Variants in CCDC91 observed in about 807,000 individuals in gnomAD.
CCDC91 encodes the protein coiled-coil domain-containing protein 91.
CCDC91 carries 48 observed loss-of-function variants against 63.2 expected under a neutral mutation model. The ratio of observed to expected loss-of-function variants is 0.76; its 90% CI spans 0.60 to 0.97. The LOEUF is 0.97. Among genes scored for constraint, CCDC91 ranks in the 50% least tolerant of loss-of-function variants. The pLI, the probability that CCDC91 is intolerant of heterozygous loss-of-function variation, is 0.00. For missense variants in CCDC91, 500 were observed against 494.6 expected (o/e 1.01, Z -0.10); for synonymous variants, 167 against 165.8 (o/e 1.01, Z -0.06).
rs77041494 is a variant in CCDC91, at chr12:28,500,702, T to C, written c.1215+16537T>C. On this transcript the variant is annotated intron_variant, in intron 12 of 12. Coordinates refer to ENST00000536442, the MANE Select transcript of CCDC91 (RefSeq NM_018318.5). ...TGGTCAGTTTAGCTATTTCAAGAAC[T>C]ATGTCTTAGAGTATGTATTTACTGT... is the stretch of plus-strand genomic sequence containing the variant. Among the ~76,000 whole-genome samples the C allele has an allele frequency of 4.8e-3, 727 of 151,850 alleles. 8 individuals carry two copies. Among genetic ancestry groups the C allele is most frequent in the African/African-American group, 0.015 (614 of 41,496 alleles).
intron 8 of CCDC91, among the ~76,000 whole-genome samples, chr12:28,393,103 C>T (rs1313532718): frequency 6.6e-6 from 1 of 152,058 alleles, no homozygotes; most frequent in African/African-American, 2.4e-5. Context: ...TTTTTGACAG[C>T]GTTCCTAGTC....
chr12:28,329,282 G>A (rs891570764), intron 6 of CCDC91, among the ~76,000 whole-genome samples: 10 of 152,032 alleles, frequency 6.6e-5, no homozygotes, highest in Admixed American at 1.3e-4. Flanking sequence ...TTGACTTTCC[G>A]TCGTTTTATT....
chr12:28,198,369 A>G (rs1479469006), intron 1 of CCDC91, among the ~76,000 whole-genome samples: 4 of 152,242 alleles, frequency 2.6e-5, no homozygotes, highest in Non-Finnish European at 4.4e-5. Context: ...ATATTATTTA[A>G]AAACTACATG....
chr12:28,417,620 GATAT>G (rs34996637), intron 8 of CCDC91, among the ~76,000 whole-genome samples: 13 of 139,806 alleles, frequency 9.3e-5, no homozygotes, highest in South Asian at 4.6e-4. Flanking sequence ...GAACCTTTGA[GATAT>G]ATATATATAT....
At chr12:28,519,124 A>G (rs1197519099) in intron 12 of CCDC91, among the ~76,000 whole-genome samples, 1 of 151,956 alleles carries the variant, frequency 6.6e-6, no homozygotes, top group Non-Finnish European at 1.5e-5. Flanking sequence ...TTGAATTTGT[A>G]GATTGCTTTT....
chr12:28,406,624 A>G (rs1223541256), intron 8 of CCDC91, among the ~76,000 whole-genome samples: 1 of 152,122 alleles, frequency 6.6e-6, no homozygotes, highest in Non-Finnish European at 1.5e-5. Flanking sequence ...TTAAGGTTAT[A>G]TGAAATCCAA....
intron 6 of CCDC91, among the ~76,000 whole-genome samples, chr12:28,330,206 G>A (rs1404163545): frequency 6.6e-6 from 1 of 152,100 alleles, no homozygotes; most frequent in Non-Finnish European, 1.5e-5. Flanking sequence ...CTTCCACAAT[G>A]GTTGAATTAG....
chr12:28,409,045 G>A (rs143246040), intron 8 of CCDC91, among the ~76,000 whole-genome samples: 2 of 152,260 alleles, frequency 1.3e-5, no homozygotes, highest in African/African-American at 2.4e-5. Flanking sequence ...AGTATAAAAG[G>A]ATGTTGTTGC....
chr12:28,547,534 C>G lies in CCDC91; in HGVS notation c.1216-1529C>G, dbSNP rs182938884. On this transcript the variant is annotated intron_variant, in intron 12 of 12. Transcript: ENST00000536442. Reference sequence around the variant, plus strand: ...GTTAGCAAGACAGACAAGATTTCTGCGTACCTGGGTCTTACATTCTAAGAT... The same window carrying G: ...GTTAGCAAGACAGACAAGATTTCTGGGTACCTGGGTCTTACATTCTAAGAT... Among the ~76,000 whole-genome samples, 304 of 152,102 alleles carry G rather than the reference C, an allele frequency of 2.0e-3. 2 individuals carry two copies. The highest frequency in any genetic ancestry group is 7.2e-3 in the African/African-American group (298 of 41,528).
At chr12:28,415,712 A>G (rs1276651243) in intron 8 of CCDC91, among the ~76,000 whole-genome samples, 1 of 151,784 alleles carries the variant, frequency 6.6e-6, no homozygotes, top group Non-Finnish European at 1.5e-5. Context: ...CACTACAGAA[A>G]AAAATATTTT....
At chr12:28,292,332 C>T (rs1384155565) in intron 3 of CCDC91, among the ~76,000 whole-genome samples, 1 of 152,180 alleles carries the variant, frequency 6.6e-6, no homozygotes, top group Non-Finnish European at 1.5e-5. Context: ...TTATTTCACC[C>T]TTATGGCTGA....
chr12:28,462,314 T>A (rs1228551109), intron 11 of CCDC91, among the ~76,000 whole-genome samples: 1 of 152,086 alleles, frequency 6.6e-6, no homozygotes, highest in African/African-American at 2.4e-5. Flanking sequence ...AAAATTCTCA[T>A]GAGTAGGGAA....
At chr12:28,534,044 T>C (rs1018948174) in intron 12 of CCDC91, among the ~76,000 whole-genome samples, 2 of 152,108 alleles carry the variant, frequency 1.3e-5, no homozygotes, top group Non-Finnish European at 2.9e-5. Context: ...ACTACACATA[T>C]TATTTTTATT....
At chr12:28,452,713 G>T in intron 11 of CCDC91, 59 bp downstream of exon 11, 1 of 855,110 alleles carries the variant, frequency 1.2e-6, no homozygotes. Context: ...TCAAAATGAA[G>T]TACCCTTACT....
intron 12 of CCDC91, among the ~76,000 whole-genome samples, chr12:28,505,901 C>T (rs1565491688): frequency 6.6e-6 from 1 of 151,994 alleles, no homozygotes; most frequent in Non-Finnish European, 1.5e-5. Context: ...ACTGCTTAAA[C>T]AGCACCTTTG....
intron 3 of CCDC91, among the ~76,000 whole-genome samples, chr12:28,289,763 C>G (rs971729950): frequency 7.1e-6 from 1 of 140,918 alleles, no homozygotes; most frequent in African/African-American, 2.7e-5. Context: ...GCGATCTCGG[C>G]TCACTGCAAG....
intron 11 of CCDC91, among the ~76,000 whole-genome samples, chr12:28,470,229 C>A (rs1449427695): frequency 6.6e-6 from 1 of 151,898 alleles, no homozygotes; most frequent in African/African-American, 2.4e-5. Context: ...GTTCAAACAA[C>A]CCTATAGGAA....
At chr12:28,350,146 A>G (rs1310899563) in intron 6 of CCDC91, among the ~76,000 whole-genome samples, 8 of 152,132 alleles carry the variant, frequency 5.3e-5, no homozygotes, top group African/African-American at 1.7e-4. Flanking sequence ...ATACCTTTGT[A>G]CTATTACAAG....
chr12:28,225,993 G>A (rs1235121432), intron 1 of CCDC91: 4 of 152,216 alleles, frequency 2.6e-5, no homozygotes, highest in Non-Finnish European at 5.9e-5. Context: ...TAGGAGGCCA[G>A]AGCCAAGGGA....
Sources: allele counts gnomAD v4.1 joint callset (sites outside exome capture counted in the v4.1 genomes callset), GRCh38; gene constraint gnomAD v4.1.1; transcripts MANE v1.5; gene names NCBI Gene and HGNC (gene_info 2026-07-23, HGNC 2026-07-21).